BAK1: variants seen among roughly 807,000 people sequenced by gnomAD.
BAK1 encodes BCL2 antagonist/killer 1, also known as bcl-2 homologous antagonist/killer.
A neutral mutation model predicts 24.7 loss-of-function variants in BAK1; 19 were observed. The observed-to-expected ratio is 0.77, with a 90% CI of 0.54 to 1.13. The LOEUF (loss-of-function observed/expected upper bound fraction) is 1.13. Among genes scored for constraint, BAK1 ranks in the 50% most tolerant of loss-of-function variants. The pLI, the probability that BAK1 is intolerant of heterozygous loss-of-function variation, is 0.00. For missense variants in BAK1, 194 were observed against 279.4 expected (o/e 0.69, Z 2.18); for synonymous variants, 86 against 107.3 (o/e 0.80, Z 1.23).
In BAK1 at chr6:33,578,344, C is replaced by G. The variant is rs5745583; in HGVS notation, c.-31-709G>C. Among the ~76,000 whole-genome samples the G allele has an allele frequency of 3.1e-3, 474 of 152,288 alleles. 5 individuals are homozygous for G. The highest frequency in any genetic ancestry group is 0.028 in the East Asian group (146 of 5,186). ...CCCAGCAGGGTGAGCGCCATCATAC[C>G]CACTTTACAGGCAGGAAAAGTGAGG... On this transcript the variant is annotated intron_variant, in intron 1 of 5. Coordinates refer to ENST00000374467, the MANE Select transcript of BAK1 (RefSeq NM_001188.4). This position sits in a 1 kb window ranked among gnomAD's most constrained non-coding sequence, Gnocchi z 4.8.
Position 33,577,251 on chromosome 6 carries a change from C to T in BAK1, c.70+284G>A, listed in dbSNP as rs1191579192. On this transcript the variant is annotated intron_variant, in intron 2 of 5. Transcript: ENST00000374467. This position sits in a 1 kb window ranked among gnomAD's most constrained non-coding sequence, Gnocchi z 4.6. ...AGCCAGGCCCCACTCTAATTCCTGCCTCCCTCGCCCGTGACCCAGCCCTCT... is the reference window on the plus strand; with the variant it reads ...AGCCAGGCCCCACTCTAATTCCTGCTTCCCTCGCCCGTGACCCAGCCCTCT... 6.6e-6 allele frequency among the ~76,000 whole-genome samples: 1 copy of T among 152,184 alleles called. No homozygotes were observed. The highest frequency in any genetic ancestry group is 1.5e-5 in the Non-Finnish European group (1 of 68,024).
At chr6:33,576,499 G>T (rs1301927896) in intron 2 of BAK1, among the ~76,000 whole-genome samples, 1 of 151,248 alleles carries the variant, frequency 6.6e-6, no homozygotes, top group Non-Finnish European at 1.5e-5. Context: ...CAGGCGTGGT[G>T]GGAGGCGCCT....
chr6:33,575,140 A>G lies in BAK1; in HGVS notation c.350+158T>C. The G allele has an allele frequency of 6.9e-6, 8 of 1,155,180 alleles. No homozygotes were observed. The highest frequency in any genetic ancestry group is 1.0e-5 in the Non-Finnish European group (8 of 783,784). The allele number at this position is 1,155,180 out of a possible 1,614,324, so 71.6% of individuals were successfully genotyped here. On this transcript the variant is annotated intron_variant, in intron 4 of 5. Coordinates refer to ENST00000374467, the MANE Select transcript of BAK1 (RefSeq NM_001188.4). This position sits in a 1 kb window ranked among gnomAD's most constrained non-coding sequence, Gnocchi z 6.3. ...TACAAGTCTGGGACCCCGAAAGAGAAAAATAGGGGGCCGAGACCACATGTG... is the reference window on the plus strand; with the variant it reads ...TACAAGTCTGGGACCCCGAAAGAGAGAAATAGGGGGCCGAGACCACATGTG...
At position 33,575,492 on chromosome 6, in the gene BAK1, C is replaced by T; in HGVS notation, c.207-51G>A. The T allele has an allele frequency of 1.2e-6, 2 of 1,610,654 alleles. No individual in the cohort carries two copies. The highest frequency in any genetic ancestry group is 1.7e-6 in the Non-Finnish European group (2 of 1,179,036). On this transcript the variant is annotated intron_variant, in intron 3 of 5. Transcript: ENST00000374467. This position sits in a 1 kb window ranked among gnomAD's most constrained non-coding sequence, Gnocchi z 6.3. ...GAGCCAGTAACCAGGCAGTCGGGACCAGGCCCTGGCTCATGGCAGAGGGGT... is the reference window on the plus strand; with the variant it reads ...GAGCCAGTAACCAGGCAGTCGGGACTAGGCCCTGGCTCATGGCAGAGGGGT...
At chr6:33,576,451 A>G (rs1365749047) in intron 2 of BAK1, among the ~76,000 whole-genome samples, 6 of 151,998 alleles carry the variant, frequency 3.9e-5, no homozygotes, top group African/African-American at 9.7e-5. Context: ...TAACATGGTG[A>G]AACCCCGTCT....
chr6:33,575,321 C>T lies in BAK1; in HGVS notation c.327G>A (p.Glu109=). 6.2e-7 allele frequency: 1 copy of T among 1,614,170 alleles called. No individual in the cohort carries two copies. Among genetic ancestry groups the T allele is most frequent in the Non-Finnish European group, 8.5e-7 (1 of 1,180,044 alleles). ...ACCTGGTGGCAATCTTGGTGAAGTA[C>T]TCATAGGCATTCTCTGCCGTGGGCT... The part of the protein sequence containing the change: ...HLQPTAENAY[E]YFTKIATSLF... Residue 109 remains glutamate (E), a synonymous_variant, in exon 4 of 6, where the codon GAG becomes GAA. Transcript: ENST00000374467. The surrounding 1 kb of genome is among the most constrained non-coding windows in gnomAD (Gnocchi z 6.3).
Position 33,575,718 on chromosome 6 carries a change from A to G in BAK1, c.206+75T>C. 2 of 1,571,450 alleles carry G rather than the reference A, an allele frequency of 1.3e-6. No individual in the cohort carries two copies. The highest frequency in any genetic ancestry group is 1.7e-6 in the Non-Finnish European group (2 of 1,157,828). On this transcript the variant is annotated intron_variant, in intron 3 of 5. Transcript: ENST00000374467. This position sits in a 1 kb window ranked among gnomAD's most constrained non-coding sequence, Gnocchi z 6.3. ...GACCCCCGAGGCCTCCCCAGCTCCC[A>G]GGACCTGCACAGAGACCCATGCGAG...
chr6:33,575,497 C>A lies in BAK1; in HGVS notation c.207-56G>T, dbSNP rs1320442190. 9.3e-6 allele frequency: 15 copies of A among 1,609,662 alleles called. No homozygotes were observed. The highest frequency in any genetic ancestry group is 1.3e-5 in the Non-Finnish European group (15 of 1,178,456). ...AGTAACCAGGCAGTCGGGACCAGGC[C>A]CTGGCTCATGGCAGAGGGGTTCTGC... is the stretch of plus-strand genomic sequence containing the variant. On this transcript the variant is annotated intron_variant, in intron 3 of 5. Coordinates refer to ENST00000374467, the MANE Select transcript of BAK1 (RefSeq NM_001188.4). This position sits in a 1 kb window ranked among gnomAD's most constrained non-coding sequence, Gnocchi z 6.3.
At chr6:33,574,962 G>A (rs1389043539) in intron 4 of BAK1, among the ~76,000 whole-genome samples, 1 of 152,192 alleles carries the variant, frequency 6.6e-6, no homozygotes, top group Non-Finnish European at 1.5e-5. Context: ...GTGATATGTG[G>A]TTTCAAATTG....
At chr6:33,574,494 C>A (rs1451829630) in intron 4 of BAK1, 49 of 1,457,946 alleles carry the variant, frequency 3.4e-5, no homozygotes, top group Non-Finnish European at 3.8e-5. Context: ...ATGGAGTCAG[C>A]GGGGAGATTA....
rs1582064291 is a variant in BAK1 at position 33,573,696 on chromosome 6, T to C, written c.*107A>G. On this transcript the variant is annotated 3_prime_UTR_variant, in exon 6 of 6. Transcript: ENST00000374467. ...AGCTGGAGTGCACACTTGCTAAAGCTTCTGTACTCTTGAGGGGGGACCCCT... is the reference window on the plus strand; with the variant it reads ...AGCTGGAGTGCACACTTGCTAAAGCCTCTGTACTCTTGAGGGGGGACCCCT... The C allele has an allele frequency of 2.3e-6, 2 of 879,636 alleles. No homozygotes were observed. 54.5% of individuals were successfully genotyped at this position (879,636 alleles called of 1,614,324 possible).
rs2151255497 is a variant in BAK1, at chr6:33,575,126, G to A, written c.350+172C>T. 4 of 965,862 alleles carry A rather than the reference G, an allele frequency of 4.1e-6. No homozygotes were observed. In the Admixed American group the frequency reaches 6.0e-5, roughly 15 times the overall value. 59.8% of individuals were successfully genotyped at this position (965,862 alleles called of 1,614,324 possible). On this transcript the variant is annotated intron_variant, in intron 4 of 5. Transcript: ENST00000374467. This position sits in a 1 kb window ranked among gnomAD's most constrained non-coding sequence, Gnocchi z 6.3. Reference sequence around the variant, plus strand: ...GCTAATGCCCAAAATACAAGTCTGGGACCCCGAAAGAGAAAAATAGGGGGC... The same window carrying A: ...GCTAATGCCCAAAATACAAGTCTGGAACCCCGAAAGAGAAAAATAGGGGGC...
In BAK1 at chr6:33,575,830, C is replaced by T. The variant is rs778549210; in HGVS notation, c.169G>A (p.Asp57Asn). 22 of 1,613,480 alleles carry T rather than the reference C, an allele frequency of 1.4e-5. No homozygotes were observed. In the East Asian group the frequency reaches 4.2e-4, roughly 31 times the overall value. ...QEAEGVAAPA[D>N]PEMVTLPLQP... Reference sequence around the variant, plus strand: ...AGAGGTAAGGTGACCATCTCTGGGTCGGCAGGGGCAGCCACCCCTTCAGCC... The same window carrying T: ...AGAGGTAAGGTGACCATCTCTGGGTTGGCAGGGGCAGCCACCCCTTCAGCC... Residue 57 changes from aspartate (D) to asparagine (N), a missense_variant, in exon 3 of 6, where the codon GAC (aspartate) becomes AAC (asparagine). By Grantham distance (23) the Asp-to-Asn change is conservative. Transcript: ENST00000374467. The surrounding 1 kb of genome is among the most constrained non-coding windows in gnomAD (Gnocchi z 6.3).
chr6:33,575,828 G>A lies in BAK1; in HGVS notation c.171C>T (p.Asp57=). Reference sequence around the variant, plus strand: ...GCAGAGGTAAGGTGACCATCTCTGGGTCGGCAGGGGCAGCCACCCCTTCAG... The same window carrying A: ...GCAGAGGTAAGGTGACCATCTCTGGATCGGCAGGGGCAGCCACCCCTTCAG... The part of the protein sequence containing the change: ...QEAEGVAAPA[D]PEMVTLPLQP... Residue 57 remains aspartate, a synonymous_variant, in exon 3 of 6, where the codon GAC becomes GAT. Coordinates refer to ENST00000374467, the MANE Select transcript of BAK1 (RefSeq NM_001188.4). The surrounding 1 kb of genome is among the most constrained non-coding windows in gnomAD (Gnocchi z 6.3). The A allele has an allele frequency of 6.2e-7, 1 of 1,613,666 alleles. No individual in the cohort carries two copies. Among genetic ancestry groups the A allele is most frequent in the East Asian group, 2.2e-5 (1 of 44,882 alleles).
chr6:33,577,760 C>A lies in BAK1; in HGVS notation c.-31-125G>T, dbSNP rs1436814431. ...CCCATTCCCAGAAAGGCCCTTAGTC[C>A]TCTGGGACTTTGGCCAGGCCGGTCT... is the stretch of plus-strand genomic sequence containing the variant. On this transcript the variant is annotated intron_variant, in intron 1 of 5. Transcript: ENST00000374467. This position sits in a 1 kb window ranked among gnomAD's most constrained non-coding sequence, Gnocchi z 4.6. The A allele has an allele frequency of 1.1e-5, 7 of 642,384 alleles. No individual in the cohort carries two copies. The highest frequency in any genetic ancestry group is 5.1e-6 in the Non-Finnish European group (2 of 392,816). 39.8% of individuals were successfully genotyped at this position (642,384 alleles called of 1,614,324 possible).
At chr6:33,576,879 C>T (rs1046591411) in intron 2 of BAK1, among the ~76,000 whole-genome samples, 2 of 152,262 alleles carry the variant, frequency 1.3e-5, no homozygotes, top group Non-Finnish European at 2.9e-5. Flanking sequence ...GCCGGGGAAC[C>T]GGGACAGTCC....
Position 33,579,588 on chromosome 6 carries a change from C to T in BAK1, c.-32+437G>A, listed in dbSNP as rs534139289. Among the ~76,000 whole-genome samples, 272 of 152,346 alleles carry T rather than the reference C, an allele frequency of 1.8e-3. 2 individuals carry two copies. Among genetic ancestry groups the T allele is most frequent in the Non-Finnish European group, 3.0e-3 (202 of 68,030 alleles). On this transcript the variant is annotated intron_variant, in intron 1 of 5. Coordinates refer to ENST00000374467, the MANE Select transcript of BAK1 (RefSeq NM_001188.4). ...GACTCAGGCCTAGCTCTGCCTCCCC[C>T]ATCCAAGTGGCCTAAATTCCCGGTG...
Position 33,575,680 on chromosome 6 carries a change from G to T in BAK1, c.206+113C>A. 1 of 1,483,062 alleles carries T rather than the reference G, an allele frequency of 6.7e-7. No homozygotes were observed. The highest frequency in any genetic ancestry group is 9.1e-7 in the Non-Finnish European group (1 of 1,101,790). 91.9% of individuals were successfully genotyped at this position (1,483,062 alleles called of 1,614,324 possible). On this transcript the variant is annotated intron_variant, in intron 3 of 5. Coordinates refer to ENST00000374467, the MANE Select transcript of BAK1 (RefSeq NM_001188.4). The surrounding 1 kb of genome is among the most constrained non-coding windows in gnomAD (Gnocchi z 6.3). ...CCCAACATAAAAGAGGAGCAACCAT[G>T]AGAGAAGGGCAAGACCCCCGAGGCC... is the stretch of plus-strand genomic sequence containing the variant.
At position 33,575,356 on chromosome 6, in the gene BAK1, G is replaced by A. The variant is rs371320117; in HGVS notation, c.292C>T (p.Gln98Ter). The A allele has an allele frequency of 6.8e-6, 11 of 1,614,082 alleles. No homozygotes were observed. ...RYDSEFQTML[Q>*]HLQPTAENAY... ...TTCTCTGCCGTGGGCTGCAGGTGCTGCAACATGGTCTGGAACTCTGAGTCA... is the reference window on the plus strand; with the variant it reads ...TTCTCTGCCGTGGGCTGCAGGTGCTACAACATGGTCTGGAACTCTGAGTCA... The change falls in exon 4 of 6, where the codon CAG (glutamine) becomes TAG (stop). Residue 98 changes from glutamine (Q) to a stop codon, truncating the protein, a stop_gained. Transcript: ENST00000374467. LOFTEE classifies it high-confidence loss of function. The surrounding 1 kb of genome is among the most constrained non-coding windows in gnomAD (Gnocchi z 6.3).
Sources: gnomAD v4.1 joint callset for allele counts (sites outside exome capture counted in the v4.1 genomes callset) on GRCh38, gnomAD v4.1.1 for gene constraint, Gnocchi (gnomAD v3.1) non-coding constraint, MANE v1.5 for transcripts, NCBI Gene and HGNC (gene_info 2026-07-23, HGNC 2026-07-21) for gene names.